The following GK variants were observed in gnomAD, a reference collection of about 807,000 sequenced individuals.
GK encodes the protein glycerol kinase.
A neutral mutation model predicts 56.4 loss-of-function variants in GK; 9 were observed. The ratio of observed to expected loss-of-function variants is 0.16; its 90% CI spans 0.10 to 0.28. The LOEUF is 0.28. Among genes scored for constraint, GK ranks in the 10% least tolerant of loss-of-function variants. The pLI, the probability that GK is intolerant of heterozygous loss-of-function variation, is 1.00. For missense variants in GK, 161 were observed against 431.4 expected, an observed-to-expected ratio of 0.37 and a Z score of 5.55; for synonymous variants, 104 against 144.1, an observed-to-expected ratio of 0.72 and a Z score of 1.99.
intron 3 of GK, among the ~76,000 whole-genome samples, chrX:30,670,175 A>C (rs1351012592): frequency 2.7e-5 from 3 of 111,795 alleles, no homozygotes; most frequent in Admixed American, 9.5e-5. Flanking sequence ...AATAATAGGC[A>C]ATCAGTAGCA....
chrX:30,673,169 T>A (rs1261716646), intron 3 of GK, among the ~76,000 whole-genome samples: 1 of 112,010 alleles, frequency 8.9e-6, no homozygotes, highest in African/African-American at 3.2e-5. Flanking sequence ...ACATTCAGTG[T>A]AGAGAAAAGT....
chrX:30,712,552 TTC>T (rs761291759), intron 13 of GK, among the ~76,000 whole-genome samples: 14 of 109,584 alleles, frequency 1.3e-4, no homozygotes, highest in African/African-American at 4.7e-4. Flanking sequence ...TTTGTTTCAG[TTC>T]TCTTTTTTTT....
At chrX:30,720,366 G>A (rs995968493) in intron 16 of GK, among the ~76,000 whole-genome samples, 11 of 111,538 alleles carry the variant, frequency 9.9e-5, no homozygotes, top group Non-Finnish European at 2.1e-4. Flanking sequence ...ACAAACATAG[G>A]CATCAAGGCA....
chrX:30,684,882 T>C (rs991074115), intron 4 of GK, among the ~76,000 whole-genome samples: 2 of 111,364 alleles, frequency 1.8e-5, no homozygotes, highest in Non-Finnish European at 3.8e-5. Flanking sequence ...CATAACTCTT[T>C]ATGGAGAGTG....
At chrX:30,710,356 G>A (rs1346800995) in intron 13 of GK, among the ~76,000 whole-genome samples, 3 of 111,427 alleles carry the variant, frequency 2.7e-5, no homozygotes, top group Non-Finnish European at 5.6e-5. Context: ...CTAACCTAGC[G>A]GTCTCAGCAA....
intron 5 of GK, among the ~76,000 whole-genome samples, chrX:30,694,186 A>T (rs1190966790): frequency 8.9e-6 from 1 of 111,946 alleles, no homozygotes; most frequent in African/African-American, 3.2e-5. Flanking sequence ...TGCTACGTGG[A>T]TGCCCTTTGA....
intron 1 of GK, among the ~76,000 whole-genome samples, chrX:30,657,711 G>T (rs951783710): frequency 1.8e-5 from 2 of 110,935 alleles, no homozygotes; most frequent in Non-Finnish European, 3.8e-5. Flanking sequence ...AGAGTAACTG[G>T]TGGAGCTAGG....
chrX:30,723,902 A>G (rs778928802), intron 18 of GK, 199 bp from the exon 19 acceptor site: 3 of 448,957 alleles, frequency 6.7e-6, no homozygotes, highest in Non-Finnish European at 8.1e-6. Flanking sequence ...TTTCACTCCA[A>G]CTTCCAAGCA....
chrX:30,696,023 A>AT lies in GK; in HGVS notation c.553-12dup. 2.2e-6 allele frequency: 2 copies of AT among 898,737 alleles called. No individual in the cohort carries two copies. Among genetic ancestry groups the AT allele is most frequent in the East Asian group, 3.1e-5 (1 of 32,345 alleles). 74.1% of individuals were successfully genotyped at this position (898,737 alleles called of 1,213,427 possible). On this transcript the variant is annotated intron_variant, in intron 6 of 20. Transcript: ENST00000427190. ...TGCCAATAAGTACAAATTTAACCTG[A>AT]TTTTTTTACTCTGCCTAGAGTTTGA...
At chrX:30,727,646 C>A in intron 20 of GK, 94 bp downstream of exon 20, 1 of 580,119 alleles carries the variant, frequency 1.7e-6, no homozygotes, top group Non-Finnish European at 2.9e-6. Flanking sequence ...TTCATTCTTT[C>A]TGTGTCTAGG....
chrX:30,710,154 T>C (rs920345622), intron 13 of GK, among the ~76,000 whole-genome samples: 109 of 111,700 alleles, frequency 9.8e-4, no homozygotes, highest in African/African-American at 3.4e-3. Context: ...AAAAGTGAAA[T>C]TGGAGTCCCT....
At position 30,665,554 on chromosome X, in the gene GK, T is replaced by C. The variant is rs1023695225; in HGVS notation, c.122T>C (p.Val41Ala). 7 of 1,142,882 alleles carry C rather than the reference T, an allele frequency of 6.1e-6. No homozygotes were observed. The highest frequency in any genetic ancestry group is 8.4e-6 in the Non-Finnish European group (7 of 834,145). The allele number at this position is 1,142,882 out of a possible 1,213,427, so 94.2% of individuals were successfully genotyped here. A position where few individuals can be genotyped will look rare whatever the true frequency, so the allele number is the denominator to read the frequency against. Residue 41 changes from valine (V) to alanine (A), a missense_variant, in exon 2 of 21, where the codon GTA (valine) becomes GCA (alanine). Physicochemically the swap from Val to Ala is moderately conservative, Grantham distance 64 (BLOSUM62 0). Transcript: ENST00000427190. ...GCTGAACTACTTAGTCATCATCAAG[T>C]AGAAATAAAACAAGAGTTCCCAAGA... ...KTAELLSHHQ[V>A]EIKQEFPREG...
chrX:30,673,792 T>C (rs1933700229), intron 3 of GK, among the ~76,000 whole-genome samples: 1 of 111,783 alleles, frequency 8.9e-6, no homozygotes, highest in African/African-American at 3.3e-5. Flanking sequence ...ATGAGAGGCA[T>C]AGAATAGTGA....
At chrX:30,663,971 ATT>A (rs1349808244) in intron 1 of GK, among the ~76,000 whole-genome samples, 3 of 93,714 alleles carry the variant, frequency 3.2e-5, no homozygotes, top group Non-Finnish European at 6.2e-5. Context: ...TTATATATAT[ATT>A]TTATATATAT....
At chrX:30,662,334 G>T (rs957843904) in intron 1 of GK, among the ~76,000 whole-genome samples, 8 of 111,910 alleles carry the variant, frequency 7.1e-5, no homozygotes, top group African/African-American at 1.9e-4. Context: ...TTTGGTTTGG[G>T]TTATATTTCT....
In GK at chrX:30,728,826, A is replaced by G; in HGVS notation, c.*84A>G. The G allele has an allele frequency of 1.5e-6, 1 of 682,250 alleles. No individual in the cohort carries two copies. The highest frequency in any genetic ancestry group is 2.2e-5 in the South Asian group (1 of 46,501). The allele number at this position is 682,250 out of a possible 1,213,427, so 56.2% of individuals were successfully genotyped here. A position where few individuals can be genotyped will look rare whatever the true frequency, so the allele number is the denominator to read the frequency against. On this transcript the variant is annotated 3_prime_UTR_variant, in exon 21 of 21. Coordinates refer to ENST00000427190, the MANE Select transcript of GK (RefSeq NM_001205019.2). ...CAATTCTGTCTCTTAATGCAATGAC[A>G]CTATTCATAGACTTTGATTTTATTT...
intron 18 of GK, chrX:30,721,209 T>A (rs1936881033): frequency 2.2e-6 from 1 of 450,843 alleles, no homozygotes; most frequent in South Asian, 3.2e-5. Context: ...AATCACTTTT[T>A]AAAAATCATT....
chrX:30,707,220 C>T (rs1174022938), intron 11 of GK, among the ~76,000 whole-genome samples: 1 of 109,169 alleles, frequency 9.2e-6, no homozygotes, highest in Non-Finnish European at 1.9e-5. Context: ...GTCCCAGCTA[C>T]TTGGGAGGCT....
At chrX:30,683,969 T>G (rs1286766113) in intron 4 of GK, among the ~76,000 whole-genome samples, 1 of 111,947 alleles carries the variant, frequency 8.9e-6, no homozygotes, top group East Asian at 2.8e-4. Flanking sequence ...ATCTTCAATA[T>G]TCCCTTCCAC....
Sources: allele counts gnomAD v4.1 joint callset (sites outside exome capture counted in the v4.1 genomes callset), GRCh38; gene constraint gnomAD v4.1.1; transcripts MANE v1.5; gene names NCBI Gene and HGNC (gene_info 2026-07-23, HGNC 2026-07-21).